Variants in TRIM3 observed in about 807,000 individuals in gnomAD.
The protein encoded by TRIM3 is tripartite motif-containing protein 3.
In TRIM3, 13 loss-of-function variants were observed where a neutral mutation model predicts 66.6. The ratio of observed to expected loss-of-function variants is 0.20; its 90% CI spans 0.13 to 0.31. The LOEUF is 0.31. Ranked by LOEUF, TRIM3 falls within the 10% of genes least tolerant of loss-of-function variation. The probability of loss-of-function intolerance (pLI) is 1.00; values close to 1 mark genes in which losing one functional copy is unlikely to be tolerated. For synonymous variants in TRIM3, 406 were observed against 411.7 expected, an observed-to-expected ratio of 0.99 and a Z score of 0.17; for missense variants, 711 against 1,020.4, an observed-to-expected ratio of 0.70 and a Z score of 4.13.
Position 6,457,093 on chromosome 11 carries a change from G to A in TRIM3, c.697-64C>T. The A allele has an allele frequency of 1.3e-6, 2 of 1,545,448 alleles. No homozygotes were observed. Among genetic ancestry groups the A allele is most frequent in the South Asian group, 1.2e-5 (1 of 82,268 alleles). ...CACAGGGGGAGTCTCTGTGATTACT[G>A]AAGTTGTAGCACTGTGGCATAAAAT... On this transcript the variant is annotated intron_variant, in intron 5 of 11. Coordinates refer to ENST00000345851, the MANE Select transcript of TRIM3 (RefSeq NM_033278.4). This position sits in a 1 kb window ranked among gnomAD's most constrained non-coding sequence, Gnocchi z 4.5.
intron 1 of TRIM3, 69 bp downstream of exon 1, chr11:6,473,722 G>C (rs1850804976): frequency 6.6e-6 from 1 of 152,442 alleles, no homozygotes; most frequent in South Asian, 2.1e-4. Flanking sequence ...CCCACCCACA[G>C]ACGCTCCGAC....
At chr11:6,460,586 T>C (rs922767268) in intron 2 of TRIM3, among the ~76,000 whole-genome samples, 8 of 151,934 alleles carry the variant, frequency 5.3e-5, no homozygotes, top group African/African-American at 1.2e-4. Context: ...ACTAGGGACA[T>C]AGGAGAGTGA....
Position 6,457,288 on chromosome 11 carries a change from A to C in TRIM3, c.696+8T>G. The stretch of plus-strand genomic sequence containing the variant: ...ACGATGGTAGGAAAGGGTGAACACA[A>C]GACACACCTTCTGTTTGGCCCCACA... On this transcript the variant is annotated splice_region_variant and intron_variant, in intron 5 of 11. Transcript: ENST00000345851. This position sits in a 1 kb window ranked among gnomAD's most constrained non-coding sequence, Gnocchi z 4.5. The C allele has an allele frequency of 6.2e-7, 1 of 1,613,876 alleles. No homozygotes were observed. Among genetic ancestry groups the C allele is most frequent in the Non-Finnish European group, 8.5e-7 (1 of 1,179,910 alleles).
chr11:6,467,111 G>T (rs1267059013), intron 1 of TRIM3, among the ~76,000 whole-genome samples: 1 of 152,116 alleles, frequency 6.6e-6, no homozygotes, highest in Non-Finnish European at 1.5e-5. Flanking sequence ...GTGGGGAGGT[G>T]GTGGCAGATA....
Position 6,450,937 on chromosome 11 carries a change from C to T in TRIM3, c.1825G>A (p.Val609Ile), listed in dbSNP as rs1355965467. 1.2e-6 allele frequency: 2 copies of T among 1,614,022 alleles called. No homozygotes were observed. The highest frequency in any genetic ancestry group is 2.7e-5 in the African/African-American group (2 of 74,902). The change falls in exon 9 of 12, where the codon GTT becomes ATT. Residue 609 changes from valine to isoleucine, a missense_variant. Physicochemically the swap from Val to Ile is conservative, Grantham distance 29. Around this residue, in one of 3 missense-constraint regions of TRIM3, gnomAD observed 163 missense variants for 321.9 expected, o/e 0.51. Transcript: ENST00000345851. This position sits in a 1 kb window ranked among gnomAD's most constrained non-coding sequence, Gnocchi z 4.8. ...VFTFQPNGKL[V>I]GRFGGRGATD... ...GCCCCACGGCCCCCAAAACGGCCAA[C>T]CAGTTTGCCATTGGGCTGGAAGGTA...
rs1398698652 is a variant in TRIM3 at position 6,449,375 on chromosome 11, G to T, written c.2013C>A (p.Ala671=). 3.7e-6 allele frequency: 6 copies of T among 1,613,928 alleles called. No individual in the cohort carries two copies. Among genetic ancestry groups the T allele is most frequent in the Non-Finnish European group, 5.1e-6 (6 of 1,179,940 alleles). Reference sequence around the variant, plus strand: ...TGGAGTCCACAGCTACTCCTGTGGGGGCATTGAACTGCCCATTGCCCTCGC... The same window carrying T: ...TGGAGTCCACAGCTACTCCTGTGGGTGCATTGAACTGCCCATTGCCCTCGC... The part of the protein sequence containing the change: ...SHGEGNGQFN[A]PTGVAVDSNG... Residue 671 remains alanine (A), a synonymous_variant, in exon 11 of 12, where the codon GCC becomes GCA. Coordinates refer to ENST00000345851, the MANE Select transcript of TRIM3 (RefSeq NM_033278.4). This position sits in a 1 kb window ranked among gnomAD's most constrained non-coding sequence, Gnocchi z 5.3.
chr11:6,457,365 C>T lies in TRIM3; in HGVS notation c.627G>A (p.Glu209=), dbSNP rs766080596. ...AQISAAFEDL[E]QALQQRKQAL... ...CCTGCTTGCGCTGCTGCAGTGCTTG[C>T]TCCAGGTCCTCGAACGCTGCACTGA... Residue 209 remains glutamate (E), a synonymous_variant, in exon 5 of 12, where the codon GAG becomes GAA. Coordinates refer to ENST00000345851, the MANE Select transcript of TRIM3 (RefSeq NM_033278.4). This position sits in a 1 kb window ranked among gnomAD's most constrained non-coding sequence, Gnocchi z 4.5. The T allele has an allele frequency of 6.2e-7, 1 of 1,613,952 alleles. No homozygotes were observed. The highest frequency in any genetic ancestry group is 8.5e-7 in the Non-Finnish European group (1 of 1,179,840).
chr11:6,470,922 G>A lies in TRIM3; in HGVS notation c.-38+2869C>T, dbSNP rs376501688. ...ATGCCAAGGGAGAAGAGAACTTCAT[G>A]AACAAGGGAGTGAAATGCTGCAGAG... On this transcript the variant is annotated intron_variant, in intron 1 of 11. Coordinates refer to ENST00000345851, the MANE Select transcript of TRIM3 (RefSeq NM_033278.4). Among the ~76,000 whole-genome samples the A allele has an allele frequency of 7.9e-5, 12 of 152,332 alleles. No homozygotes were observed. In the South Asian group the frequency reaches 1.0e-3, roughly 13 times the overall value.
chr11:6,467,840 T>C (rs1438520236), intron 1 of TRIM3, among the ~76,000 whole-genome samples: 2 of 152,022 alleles, frequency 1.3e-5, no homozygotes, highest in Admixed American at 6.5e-5. Context: ...GAAAATAAAT[T>C]AGAAAGCTAC....
At position 6,458,181 on chromosome 11, in the gene TRIM3, T is replaced by C; in HGVS notation, c.247A>G (p.Ser83Gly). 1 of 1,614,190 alleles carries C rather than the reference T, an allele frequency of 6.2e-7. No individual in the cohort carries two copies. Among genetic ancestry groups the C allele is most frequent in the Non-Finnish European group, 8.5e-7 (1 of 1,180,036 alleles). The change falls in exon 3 of 12, where the codon AGC becomes GGC. Residue 83 changes from serine (S) to glycine (G), a missense_variant. By Grantham distance (56) the Ser-to-Gly change is moderately conservative. This residue lies in a region of TRIM3 where 149 missense variants were observed against 240.3 expected (regional missense o/e 0.62). Coordinates refer to ENST00000345851, the MANE Select transcript of TRIM3 (RefSeq NM_033278.4). This position sits in a 1 kb window ranked among gnomAD's most constrained non-coding sequence, Gnocchi z 6.2. ...VSALQNNFFI[S>G]SLMEAMQQAP... ...TGCTGCATTGCCTCCATGAGGCTGC[T>C]GATGAAGAAGTTGTTCTGCAGTGCC...
chr11:6,456,452 GGCAGGTCCCCCGGAC>G lies in TRIM3; in HGVS notation c.1259_1273del (p.Arg420_Leu424del), dbSNP rs1849980551. ...GCGCTTCACATCGTCCGGGGAAGGT[GGCAGGTCCCCCGGAC>G]GCAGGGCACGCACGCGGAAGGGGCT... On this transcript the variant is annotated inframe_deletion, in exon 6 of 12. Coordinates refer to ENST00000345851, the MANE Select transcript of TRIM3 (RefSeq NM_033278.4). The surrounding 1 kb of genome is among the most constrained non-coding windows in gnomAD (Gnocchi z 6.4). The G allele has an allele frequency of 6.5e-7, 1 of 1,537,500 alleles. No homozygotes were observed. The highest frequency in any genetic ancestry group is 8.8e-7 in the Non-Finnish European group (1 of 1,139,578).
intron 2 of TRIM3, among the ~76,000 whole-genome samples, chr11:6,465,041 C>G (rs1264237299): frequency 6.9e-6 from 1 of 145,892 alleles, no homozygotes; most frequent in East Asian, 2.1e-4. Flanking sequence ...TTTTGCTCAT[C>G]ACTGCATACC....
chr11:6,460,283 G>A (rs1356420433), intron 2 of TRIM3, among the ~76,000 whole-genome samples: 1 of 152,202 alleles, frequency 6.6e-6, no homozygotes, highest in Non-Finnish European at 1.5e-5. Context: ...AGTGGCAGGA[G>A]AAGGAAAGCT....
chr11:6,457,047 A>C lies in TRIM3; in HGVS notation c.697-18T>G, dbSNP rs1850026335. On this transcript the variant is annotated intron_variant, in intron 5 of 11. Transcript: ENST00000345851. This position sits in a 1 kb window ranked among gnomAD's most constrained non-coding sequence, Gnocchi z 4.5. Reference sequence around the variant, plus strand: ...TGCAACACCTGATGAGGGGTAGGGGAGGAGTGGGTGAGCAGACTGGCACAG... The same window carrying C: ...TGCAACACCTGATGAGGGGTAGGGGCGGAGTGGGTGAGCAGACTGGCACAG... The C allele has an allele frequency of 1.3e-6, 2 of 1,575,348 alleles. No individual in the cohort carries two copies. Among genetic ancestry groups the C allele is most frequent in the Non-Finnish European group, 1.7e-6 (2 of 1,160,996 alleles).
chr11:6,461,021 T>C (rs531953948), intron 2 of TRIM3, among the ~76,000 whole-genome samples: 70 of 147,198 alleles, frequency 4.8e-4, no homozygotes, highest in African/African-American at 1.7e-3. Flanking sequence ...TTCTCTTGCC[T>C]CAGCCTCCCG....
Position 6,458,331 on chromosome 11 carries a change from T to G in TRIM3, c.132-35A>C. On this transcript the variant is annotated intron_variant, in intron 2 of 11. Transcript: ENST00000345851. The surrounding 1 kb of genome is among the most constrained non-coding windows in gnomAD (Gnocchi z 6.2). Reference sequence around the variant, plus strand: ...AAGGAGAGTCAAAGAACAGAGTGGGTGGGGTGGCATAAGTGCACCCTTCCT... The same window carrying G: ...AAGGAGAGTCAAAGAACAGAGTGGGGGGGGTGGCATAAGTGCACCCTTCCT... 4 of 1,574,430 alleles carry G rather than the reference T, an allele frequency of 2.5e-6. No homozygotes were observed. Among genetic ancestry groups the G allele is most frequent in the Non-Finnish European group, 3.5e-6 (4 of 1,148,706 alleles).
chr11:6,458,306 A>G lies in TRIM3; in HGVS notation c.132-10T>C. 6.2e-7 allele frequency: 1 copy of G among 1,605,816 alleles called. No homozygotes were observed. The highest frequency in any genetic ancestry group is 8.5e-7 in the Non-Finnish European group (1 of 1,173,416). On this transcript the variant is annotated splice_polypyrimidine_tract_variant and intron_variant, in intron 2 of 11. Transcript: ENST00000345851. The surrounding 1 kb of genome is among the most constrained non-coding windows in gnomAD (Gnocchi z 6.2). ...ATAGTTTTGGAGACATCTGTCCAGG[A>G]AGGAGAGTCAAAGAACAGAGTGGGT...
chr11:6,466,593 G>GT (rs77979367), intron 1 of TRIM3, among the ~76,000 whole-genome samples: 34,750 of 139,832 alleles, frequency 0.25, 4,789 homozygotes, highest in Non-Finnish European at 0.33. Flanking sequence ...TTCCTGCTGG[G>GT]TTTTTTTTTT....
chr11:6,457,292 A>T lies in TRIM3; in HGVS notation c.696+4T>A. ...TGGTAGGAAAGGGTGAACACAAGAC[A>T]CACCTTCTGTTTGGCCCCACAAATG... On this transcript the variant is annotated splice_donor_region_variant and intron_variant, in intron 5 of 11. Transcript: ENST00000345851. This position sits in a 1 kb window ranked among gnomAD's most constrained non-coding sequence, Gnocchi z 4.5. 6.2e-7 allele frequency: 1 copy of T among 1,613,926 alleles called. No homozygotes were observed. The highest frequency in any genetic ancestry group is 1.3e-5 in the African/African-American group (1 of 75,040).
Sources: gnomAD v4.1 joint callset for allele counts (sites outside exome capture counted in the v4.1 genomes callset) on GRCh38, gnomAD v4.1.1 for gene constraint, gnomAD v4.1.1 regional missense constraint, Gnocchi (gnomAD v3.1) non-coding constraint, MANE v1.5 for transcripts, NCBI Gene and HGNC (gene_info 2026-07-23, HGNC 2026-07-21) for gene names.